The following TCFL5 variants were observed in gnomAD, a reference collection of about 807,000 sequenced individuals.
The protein encoded by TCFL5 is transcription factor like 5.
In TCFL5, 9 loss-of-function variants were observed where a neutral mutation model predicts 44.3. The observed-to-expected ratio is 0.20, with a 90% confidence interval of 0.12 to 0.35. The LOEUF (loss-of-function observed/expected upper bound fraction) is 0.35, where lower values mean the gene tolerates loss of function less well. Among genes scored for constraint, TCFL5 ranks in the 10% least tolerant of loss-of-function variants. TCFL5 has a pLI of 1.00. For missense variants in TCFL5, 603 were observed against 613.4 expected, an observed-to-expected ratio of 0.98 and a Z score of 0.18; for synonymous variants, 319 against 271.6, an observed-to-expected ratio of 1.17 and a Z score of -1.72.
In TCFL5 at chr20:62,842,182, G is replaced by T. The variant is rs1288961063; in HGVS notation, c.1381-85C>A. On this transcript the variant is annotated intron_variant, in intron 5 of 5. Transcript: ENST00000335351. This position sits in a 1 kb window ranked among gnomAD's most constrained non-coding sequence, Gnocchi z 4.3. ...CCAAAGTGCAAAAGGTTCAAATTAA[G>T]AGCTAAGTAAATGACTTTAGAATAC... The T allele has an allele frequency of 6.4e-7, 1 of 1,555,020 alleles. No homozygotes were observed. The highest frequency in any genetic ancestry group is 1.2e-5 in the South Asian group (1 of 84,192).
rs1197802319 is a variant in TCFL5, at chr20:62,857,533, T to A, written c.1100A>T (p.Glu367Val). The change falls in exon 4 of 6, where the codon GAA becomes GTA. Residue 367 changes from glutamate to valine, a missense_variant. Physicochemically the swap from Glu to Val is moderately radical, Grantham distance 121. This residue lies in a region of TCFL5 where 540 missense variants were observed against 478.7 expected (regional missense o/e 1.13). Coordinates refer to ENST00000335351, the MANE Select transcript of TCFL5 (RefSeq NM_006602.4). ...AGCGCCTTGTGTGGCGGTGGCACCTTCGCCCACATTCTGAATCTCTCCAAG... is the reference window on the plus strand; with the variant it reads ...AGCGCCTTGTGTGGCGGTGGCACCTACGCCCACATTCTGAATCTCTCCAAG... ...RALGEIQNVG[E>V]GATATQGAWQ... is the part of the protein sequence containing the mutation. 3.7e-6 allele frequency: 6 copies of A among 1,614,128 alleles called. No homozygotes were observed. Among genetic ancestry groups the A allele is most frequent in the Non-Finnish European group, 5.1e-6 (6 of 1,180,056 alleles).
intron 3 of TCFL5, among the ~76,000 whole-genome samples, chr20:62,858,968 T>A (rs936981272): frequency 6.6e-6 from 1 of 152,196 alleles, no homozygotes; most frequent in African/African-American, 2.4e-5. Flanking sequence ...AATAGGGTCC[T>A]CCTATTAGCA....
intron 5 of TCFL5, among the ~76,000 whole-genome samples, chr20:62,844,165 G>A (rs903688344): frequency 1.3e-5 from 2 of 152,164 alleles, no homozygotes; most frequent in Non-Finnish European, 2.9e-5. Context: ...CACAGTGGCT[G>A]CACCATTTCA....
At chr20:62,854,602 T>G (rs1225997158) in intron 4 of TCFL5, among the ~76,000 whole-genome samples, 1 of 152,210 alleles carries the variant, frequency 6.6e-6, no homozygotes, top group African/African-American at 2.4e-5. Context: ...CTAAATACCC[T>G]ACCAGGAACT....
At chr20:62,851,551 ATCT>A (rs2063809893) in intron 5 of TCFL5, 1 of 985,384 alleles carries the variant, frequency 1.0e-6, no homozygotes, top group Non-Finnish European at 1.2e-6. Context: ...TCTAACAATA[ATCT>A]TCAAGAGTAA....
At position 62,861,396 on chromosome 20, in the gene TCFL5, C is replaced by T. The variant is rs2064005484; in HGVS notation, c.275G>A (p.Gly92Asp). 1.8e-6 allele frequency: 2 copies of T among 1,083,996 alleles called. No individual in the cohort carries two copies. Among genetic ancestry groups the T allele is most frequent in the Non-Finnish European group, 2.2e-6 (2 of 896,544 alleles). The allele number at this position is 1,083,996 out of a possible 1,614,324, so 67.1% of individuals were successfully genotyped here. The change falls in exon 1 of 6, where the codon GGC (glycine) becomes GAC (aspartate). Residue 92 changes from glycine to aspartate, a missense_variant. Gly to Asp is a moderately conservative substitution (Grantham distance 94). This residue lies in a region of TCFL5 where 540 missense variants were observed against 478.7 expected (regional missense o/e 1.13). Transcript: ENST00000335351. The surrounding 1 kb of genome is among the most constrained non-coding windows in gnomAD (Gnocchi z 4.0). ...CCCCTGACCGCCCGCCGCGAAGCCG[C>T]CCGCGCCTGCGCCCGGGCCCGCCGC... The part of the protein sequence containing the change: ...LAAAGPGAGA[G>D]GFAAGGQGGA...
chr20:62,854,058 G>A lies in TCFL5; in HGVS notation c.1338C>T (p.Phe446=), dbSNP rs1467363165. The change falls in exon 5 of 6, where the codon TTC becomes TTT. Residue 446 remains phenylalanine, a synonymous_variant. Coordinates refer to ENST00000335351, the MANE Select transcript of TCFL5 (RefSeq NM_006602.4). The part of the protein sequence containing the change: ...KATTLQWTTA[F]LKYIQERHGD... ...CATGTCTTTCCTGGATGTATTTCAG[G>A]AATGCTGTGGTCCACTGCAGAGTTG... 1 of 1,614,068 alleles carries A rather than the reference G, an allele frequency of 6.2e-7. No individual in the cohort carries two copies. The highest frequency in any genetic ancestry group is 1.7e-5 in the Admixed American group (1 of 60,018).
Position 62,841,844 on chromosome 20 carries a change from T to C in TCFL5, c.*131A>G, listed in dbSNP as rs2063683108. On this transcript the variant is annotated 3_prime_UTR_variant, in exon 6 of 6. Transcript: ENST00000335351. ...CAAAATGTGCTCTCAAAGTCCCTAC[T>C]GGAGTCCCGTCAGCTTGAGTCACGC... 2 of 1,247,336 alleles carry C rather than the reference T, an allele frequency of 1.6e-6. No homozygotes were observed. Among genetic ancestry groups the C allele is most frequent in the African/African-American group, 3.0e-5 (2 of 65,758 alleles). 77.3% of individuals were successfully genotyped at this position (1,247,336 alleles called of 1,614,324 possible).
chr20:62,857,917 T>G (rs1350265596), intron 3 of TCFL5, among the ~76,000 whole-genome samples: 1 of 151,990 alleles, frequency 6.6e-6, no homozygotes, highest in East Asian at 1.9e-4. Flanking sequence ...CCAAAGCCCC[T>G]CTTTTTAATT....
rs1308942436 is a variant in TCFL5 at position 62,842,076 on chromosome 20, C to T, written c.1402G>A (p.Gly468Ser). 7.4e-6 allele frequency: 12 copies of T among 1,614,122 alleles called. No homozygotes were observed. Among genetic ancestry groups the T allele is most frequent in the East Asian group, 2.2e-5 (1 of 44,890 alleles). Residue 468 changes from glycine to serine, a missense_variant, in exon 6 of 6, where the codon GGT becomes AGT. Gly to Ser is a moderately conservative substitution (Grantham distance 56). This residue lies in a region of TCFL5 where 41 missense variants were observed against 61.4 expected (regional missense o/e 0.67). Transcript: ENST00000335351. The surrounding 1 kb of genome is among the most constrained non-coding windows in gnomAD (Gnocchi z 4.3). ...AGCTTTAGCCTTCGGCCAGTTTTAC[C>T]GCAAAATACGCTCTCAAATTCCTGC... is the stretch of plus-strand genomic sequence containing the variant. The part of the protein sequence containing the change: ...LKKEFESVFC[G>S]KTGRRLKLTR...
At chr20:62,856,705 CAAAAAAAA>C (rs11470406) in intron 4 of TCFL5, among the ~76,000 whole-genome samples, 2 of 100,262 alleles carry the variant, frequency 2.0e-5, no homozygotes, top group Non-Finnish European at 3.8e-5. Flanking sequence ...GACTCCGTCT[CAAAAAAAA>C]AAAAAAAAAA....
chr20:62,852,245 C>A (rs1301083480), intron 5 of TCFL5: 2 of 985,360 alleles, frequency 2.0e-6, no homozygotes, highest in African/African-American at 3.5e-5. Flanking sequence ...GGATCTATTT[C>A]ACTAAGGTCT....
intron 3 of TCFL5, among the ~76,000 whole-genome samples, chr20:62,858,340 G>A (rs768860028): frequency 3.3e-5 from 5 of 152,240 alleles, no homozygotes; most frequent in Non-Finnish European, 5.9e-5. Context: ...ATTTCAGAAG[G>A]ATGATGAAGC....
At chr20:62,856,463 G>C (rs2063892234) in intron 4 of TCFL5, among the ~76,000 whole-genome samples, 2 of 151,008 alleles carry the variant, frequency 1.3e-5, no homozygotes, top group Admixed American at 1.3e-4. Context: ...CCAGCACTTT[G>C]GGAGGCCGAG....
chr20:62,859,986 G>A, intron 2 of TCFL5, 139 bp downstream of exon 2: 3 of 816,186 alleles, frequency 3.7e-6, no homozygotes, highest in Non-Finnish European at 5.8e-6. Flanking sequence ...TGGGATTACA[G>A]GTGTCGGCCT....
In TCFL5 at chr20:62,851,962, G is replaced by A. The variant is rs942285093; in HGVS notation, c.1380+2054C>T. The A allele has an allele frequency of 1.6e-5, 13 of 793,764 alleles. 2 individuals carry two copies. Among genetic ancestry groups the A allele is most frequent in the East Asian group, 2.5e-4 (2 of 7,932 alleles). 49.2% of individuals were successfully genotyped at this position (793,764 alleles called of 1,614,324 possible). A position where few individuals can be genotyped will look rare whatever the true frequency, so the allele number is the denominator to read the frequency against. ...TAGCTGGGACTACAGGCGCCACCAC[G>A]CCTGGCTAATTTTTGTATTTTTAAT... On this transcript the variant is annotated intron_variant, in intron 5 of 5. Coordinates refer to ENST00000335351, the MANE Select transcript of TCFL5 (RefSeq NM_006602.4).
chr20:62,859,245 C>G, intron 3 of TCFL5, 119 bp downstream of exon 3: 4 of 993,260 alleles, frequency 4.0e-6, no homozygotes, highest in Non-Finnish European at 6.0e-6. Context: ...CAGACACCTC[C>G]AAGACTGTTT....
rs1386163640 is a variant in TCFL5, at chr20:62,861,257, G to A, written c.414C>T (p.Gly138=). Residue 138 remains glycine (G), a synonymous_variant, in exon 1 of 6, where the codon GGC becomes GGT. Transcript: ENST00000335351. The surrounding 1 kb of genome is among the most constrained non-coding windows in gnomAD (Gnocchi z 4.0). ...CGCCGCCCGACGTCTTCTCCGCCGCGCCCGCCTCGCTTAGCAGCATCATGC... is the reference window on the plus strand; with the variant it reads ...CGCCGCCCGACGTCTTCTCCGCCGCACCCGCCTCGCTTAGCAGCATCATGC... ...ELRMMLLSEA[G]AAEKTSGGGD... is the part of the protein sequence containing the mutation. 2 of 1,199,912 alleles carry A rather than the reference G, an allele frequency of 1.7e-6. No individual in the cohort carries two copies. The highest frequency in any genetic ancestry group is 2.1e-6 in the Non-Finnish European group (2 of 949,190). 74.3% of individuals were successfully genotyped at this position (1,199,912 alleles called of 1,614,324 possible).
chr20:62,860,197 C>T lies in TCFL5; in HGVS notation c.759G>A (p.Leu253=), dbSNP rs751766398. 2 of 1,613,884 alleles carry T rather than the reference C, an allele frequency of 1.2e-6. No individual in the cohort carries two copies. Among genetic ancestry groups the T allele is most frequent in the Non-Finnish European group, 1.7e-6 (2 of 1,179,784 alleles). The change falls in exon 2 of 6, where the codon TTG becomes TTA. Residue 253 remains leucine (L), a synonymous_variant. Transcript: ENST00000335351. ...TAGTAAACAGTGGGTATGTAAATTG[C>T]AAAGCAGTAGTTGTAGCCGCAGTTT... is the stretch of plus-strand genomic sequence containing the variant. ...KNKTAATTTA[L]QFTYPLFTTN... is the part of the protein sequence containing the mutation.
Sources: gnomAD v4.1 joint callset for allele counts (sites outside exome capture counted in the v4.1 genomes callset) on GRCh38, gnomAD v4.1.1 for gene constraint, gnomAD v4.1.1 regional missense constraint, Gnocchi (gnomAD v3.1) non-coding constraint, MANE v1.5 for transcripts, NCBI Gene and HGNC (gene_info 2026-07-23, HGNC 2026-07-21) for gene names.